Variants in HTR3B observed in about 807,000 individuals in gnomAD.
HTR3B encodes 5-hydroxytryptamine (serotonin) receptor 3B, ionotropic.
A neutral mutation model predicts 42.8 loss-of-function variants in HTR3B; 44 were observed. The observed-to-expected ratio is 1.03, with a 90% confidence interval of 0.81 to 1.32. HTR3B has a LOEUF of 1.32. HTR3B is among the 40% of genes most tolerant of loss of function. The pLI, the probability that HTR3B is intolerant of heterozygous loss-of-function variation, is 0.00. For missense variants in HTR3B, 527 were observed against 536.5 expected, an observed-to-expected ratio of 0.98 and a Z score of 0.17; for synonymous variants, 203 against 209.0, an observed-to-expected ratio of 0.97 and a Z score of 0.25.
intron 6 of HTR3B, among the ~76,000 whole-genome samples, chr11:113,937,783 TG>T (rs1293644271): frequency 6.6e-6 from 1 of 152,254 alleles, no homozygotes; most frequent in Non-Finnish European, 1.5e-5. Context: ...ATTTGCCCAC[TG>T]GGCATTACTT....
Position 113,915,542 on chromosome 11 carries a change from T to G in HTR3B, c.213+6087T>G, listed in dbSNP as rs574454084. Among the ~76,000 whole-genome samples the G allele has an allele frequency of 2.0e-5, 3 of 152,378 alleles. No individual in the cohort carries two copies. In the East Asian group the frequency reaches 5.8e-4, roughly 29 times the overall value. Reference sequence around the variant, plus strand: ...ATATTGTTGCATAACTCAGTAGTAGTATTTTATTGTACAGATGCACTACAA... The same window carrying G: ...ATATTGTTGCATAACTCAGTAGTAGGATTTTATTGTACAGATGCACTACAA... On this transcript the variant is annotated intron_variant, in intron 2 of 8. Transcript: ENST00000260191.
At chr11:113,925,870 T>C (rs1198858768) in intron 2 of HTR3B, among the ~76,000 whole-genome samples, 1 of 152,178 alleles carries the variant, frequency 6.6e-6, no homozygotes, top group African/African-American at 2.4e-5. Flanking sequence ...GCAGGTTTTT[T>C]TGAGATTTAA....
chr11:113,905,556 C>G (rs1226530261), intron 1 of HTR3B, among the ~76,000 whole-genome samples: 3 of 152,078 alleles, frequency 2.0e-5, no homozygotes, highest in Admixed American at 6.6e-5. Flanking sequence ...TCTACAATTC[C>G]TCTTAAAAGT....
chr11:113,905,650 T>A (rs572702819), intron 1 of HTR3B, among the ~76,000 whole-genome samples: 1 of 152,178 alleles, frequency 6.6e-6, no homozygotes, highest in Non-Finnish European at 1.5e-5. Context: ...AATTGAATCA[T>A]TTTAGTTAGG....
rs1024182674 is a variant in HTR3B, at chr11:113,947,908, A to G, written c.*1771A>G. Among the ~76,000 whole-genome samples, 1 of 152,170 alleles carries G rather than the reference A, an allele frequency of 6.6e-6. No individual in the cohort carries two copies. The highest frequency in any genetic ancestry group is 1.5e-5 in the Non-Finnish European group (1 of 68,048). ...ACAGTCTTAACGCTGTCAGTAGAAG[A>G]CACAAAAGTCCAAAAGCTGTTTGCT... On this transcript the variant is annotated 3_prime_UTR_variant, in exon 9 of 9. Transcript: ENST00000260191.
intron 7 of HTR3B, among the ~76,000 whole-genome samples, chr11:113,943,598 G>A (rs994804175): frequency 3.3e-5 from 5 of 151,980 alleles, no homozygotes; most frequent in Admixed American, 2.0e-4. Flanking sequence ...GCTTCCCAGA[G>A]TGCTGGGATT....
chr11:113,900,879 G>T (rs1214787625), upstream of HTR3B, among the ~76,000 whole-genome samples: 3 of 152,092 alleles, frequency 2.0e-5, no homozygotes, highest in Non-Finnish European at 2.9e-5. Context: ...AGAGAGAGAA[G>T]GGGGAAGCGC....
intron 2 of HTR3B, among the ~76,000 whole-genome samples, chr11:113,913,583 C>T (rs937178453): frequency 1.4e-4 from 21 of 151,802 alleles, no homozygotes; most frequent in African/African-American, 4.4e-4. Flanking sequence ...GGCGCAATCT[C>T]GGCTCACTGT....
chr11:113,930,783 C>T (rs1950026992), intron 2 of HTR3B, among the ~76,000 whole-genome samples: 1 of 152,032 alleles, frequency 6.6e-6, no homozygotes, highest in Admixed American at 6.6e-5. Flanking sequence ...ACCACTGTGC[C>T]CAGCCAGGAG....
intron 2 of HTR3B, among the ~76,000 whole-genome samples, chr11:113,913,019 CAT>C (rs1327810984): frequency 6.7e-6 from 1 of 148,686 alleles, no homozygotes; most frequent in African/African-American, 2.4e-5. Context: ...AATATAATAA[CAT>C]ATAATATAGT....
chr11:113,924,480 C>G (rs1949948315), intron 2 of HTR3B, among the ~76,000 whole-genome samples: 3 of 151,970 alleles, frequency 2.0e-5, no homozygotes, highest in African/African-American at 7.3e-5. Flanking sequence ...AATTAATTAG[C>G]TAGGCACGGT....
chr11:113,899,746 T>G, the HTR3B span, among the ~76,000 whole-genome samples: 22 of 152,236 alleles, frequency 1.4e-4, no homozygotes, highest in Non-Finnish European at 1.8e-4. Flanking sequence ...CTCCCCTTGC[T>G]TCTTCCAAAA....
At chr11:113,924,624 C>CAAAAA (rs34212177) in intron 2 of HTR3B, among the ~76,000 whole-genome samples, 11 of 52,210 alleles carry the variant, frequency 2.1e-4, no homozygotes, top group East Asian at 1.4e-3. Flanking sequence ...GACCTTGTCT[C>CAAAAA]AAAAAAAAAA....
At chr11:113,904,173 G>A (rs11214763), upstream of HTR3B, among the ~76,000 whole-genome samples, 25,122 of 151,818 alleles carry the variant, frequency 0.17, 2,178 homozygotes, top group Non-Finnish European at 0.18. Context: ...AAATGAATGC[G>A]TATTCAATCA....
intron 2 of HTR3B, among the ~76,000 whole-genome samples, chr11:113,915,018 AGTT>A (rs1350612383): frequency 6.6e-6 from 1 of 152,098 alleles, no homozygotes; most frequent in Admixed American, 6.6e-5. Context: ...TTATTGACTT[AGTT>A]GTTCATATAT....
intron 6 of HTR3B, among the ~76,000 whole-genome samples, chr11:113,936,245 T>C (rs1950091440): frequency 6.6e-6 from 1 of 152,068 alleles, no homozygotes; most frequent in Non-Finnish European, 1.5e-5. Flanking sequence ...GAGGTAGGAA[T>C]ACAATTTAGG....
intron 3 of HTR3B, 57 bp downstream of exon 3, chr11:113,931,485 A>G (rs1167257226): frequency 9.4e-7 from 1 of 1,064,148 alleles, no homozygotes; most frequent in Non-Finnish European, 1.4e-6. Context: ...ATCTGCTGCA[A>G]AATATAGTTA....
At position 113,948,800 on chromosome 11, in the gene HTR3B, T is replaced by A. The variant is rs573215815; in HGVS notation, c.*2663T>A. ...ATCGCTTGAACCCAGGAGGTGGAGG[T>A]TGCGGTGAGCCGAGATCGTGCCATT... On this transcript the variant is annotated 3_prime_UTR_variant, in exon 9 of 9. Coordinates refer to ENST00000260191, the MANE Select transcript of HTR3B (RefSeq NM_006028.5). Among the ~76,000 whole-genome samples, 39 of 151,060 alleles carry A rather than the reference T, an allele frequency of 2.6e-4. No individual in the cohort carries two copies. The highest frequency in any genetic ancestry group is 9.3e-4 in the African/African-American group (38 of 41,056).
intron 6 of HTR3B, among the ~76,000 whole-genome samples, chr11:113,935,031 G>A (rs79731789): frequency 0.021 from 3,249 of 151,580 alleles, 46 homozygotes; most frequent in Non-Finnish European, 0.034. Context: ...TGCATACACA[G>A]GCACACATGT....
Sources: allele counts gnomAD v4.1 joint callset (sites outside exome capture counted in the v4.1 genomes callset), GRCh38; gene constraint gnomAD v4.1.1; transcripts MANE v1.5; gene names NCBI Gene and HGNC (gene_info 2026-07-23, HGNC 2026-07-21).